The following CPS1 variants were observed in gnomAD, a reference collection of about 807,000 sequenced individuals.
CPS1 encodes carbamoyl-phosphate synthase [ammonia], mitochondrial.
In CPS1, 109 loss-of-function variants were observed where a neutral mutation model predicts 174.6. The ratio of observed to expected loss-of-function variants is 0.62; its 90% confidence interval spans 0.53 to 0.73. The LOEUF (loss-of-function observed/expected upper bound fraction) is 0.73. Among genes scored for constraint, CPS1 ranks in the 30% least tolerant of loss-of-function variants. The pLI, the probability that CPS1 is intolerant of heterozygous loss-of-function variation, is 0.00. For missense variants in CPS1, 1,689 were observed against 1,821.9 expected, an observed-to-expected ratio of 0.93 and a Z score of 1.33; for synonymous variants, 637 against 632.0, an observed-to-expected ratio of 1.01 and a Z score of -0.12.
chr2:210,534,079 G>A (rs778109856), intron 1 of CPS1, among the ~76,000 whole-genome samples: 1 of 152,208 alleles, frequency 6.6e-6, no homozygotes, highest in Non-Finnish European at 1.5e-5. Context: ...CATGTTGGAT[G>A]TTCCTGCCAC....
At chr2:210,536,246 G>C (rs1231126630) in intron 1 of CPS1, among the ~76,000 whole-genome samples, 1 of 150,832 alleles carries the variant, frequency 6.6e-6, no homozygotes, top group Non-Finnish European at 1.5e-5. Flanking sequence ...CAGTTCTCTA[G>C]TTACTAATAA....
At chr2:210,505,542 G>A (rs1020922977) in intron 1 of CPS1, among the ~76,000 whole-genome samples, 3 of 152,080 alleles carry the variant, frequency 2.0e-5, no homozygotes, top group Non-Finnish European at 4.4e-5. Flanking sequence ...GACAGTGGGT[G>A]CAGGACAGTG....
rs370795758 is a variant in CPS1, at chr2:210,653,999, G to A, written c.3481-26G>A. ...TATACATAGCGTTAGCTAAATGTTC[G>A]GCTCCTCTGTTTTCCTTCGTGACAG... On this transcript the variant is annotated intron_variant, in intron 28 of 37. Coordinates refer to ENST00000233072, the MANE Select transcript of CPS1 (RefSeq NM_001875.5). 393 of 1,592,870 alleles carry A rather than the reference G, an allele frequency of 2.5e-4. 2 individuals are homozygous for A. The South Asian group carries it at 3.2e-3, about 13-fold the overall frequency.
chr2:210,642,553 CGGT>C lies in CPS1; in HGVS notation c.3037_3039del (p.Val1013del), dbSNP rs727502824. 1 of 1,613,874 alleles carries C rather than the reference CGGT, an allele frequency of 6.2e-7. No homozygotes were observed. The highest frequency in any genetic ancestry group is 8.5e-7 in the Non-Finnish European group (1 of 1,179,920). ...ACACTGCGTCAACTTGGCAAGAAGA[CGGT>C]GGTGGTGAATTGCAATCCTGAGACT... On this transcript the variant is annotated inframe_deletion, in exon 25 of 38. Transcript: ENST00000233072.
intron 1 of CPS1, among the ~76,000 whole-genome samples, chr2:210,542,272 C>T (rs1696453069): frequency 6.6e-6 from 1 of 152,094 alleles, no homozygotes; most frequent in African/African-American, 2.4e-5. Flanking sequence ...TCTGATGTCA[C>T]TATAAATTCA....
intron 1 of CPS1, among the ~76,000 whole-genome samples, chr2:210,565,214 T>C (rs539108043): frequency 6.6e-6 from 1 of 152,102 alleles, no homozygotes; most frequent in Non-Finnish European, 1.5e-5. Flanking sequence ...TGCAGTCTTA[T>C]GAATCTTCCT....
At chr2:210,545,568 G>T (rs112459617) in intron 1 of CPS1, among the ~76,000 whole-genome samples, 51 of 151,850 alleles carry the variant, frequency 3.4e-4, no homozygotes, top group African/African-American at 1.2e-3. Context: ...GATGCCTTAT[G>T]TATTTATAGC....
In CPS1 at chr2:210,533,915, A is replaced by G. The variant is rs183183949; in HGVS notation, c.4-22804A>G. On this transcript the variant is annotated intron_variant, in intron 1 of 38. Coordinates refer to the CPS1 transcript ENST00000430249. Reference sequence around the variant, plus strand: ...TTATCTTTTGTTCCTCCATCTCTTCAAAGGAAAGCCACTGGGAAACAGGGC... The same window carrying G: ...TTATCTTTTGTTCCTCCATCTCTTCGAAGGAAAGCCACTGGGAAACAGGGC... Among the ~76,000 whole-genome samples the G allele has an allele frequency of 8.6e-3, 1,311 of 152,270 alleles. 21 individuals are homozygous for G. The highest frequency in any genetic ancestry group is 0.024 in the Middle Eastern group (7 of 294).
At position 210,606,857 on chromosome 2, in the gene CPS1, T is replaced by G. The variant is rs1485995691; in HGVS notation, c.2108T>G (p.Leu703Arg). The G allele has an allele frequency of 2.5e-6, 4 of 1,612,658 alleles. No homozygotes were observed. The highest frequency in any genetic ancestry group is 3.4e-6 in the Non-Finnish European group (4 of 1,179,124). Residue 703 changes from leucine (L) to arginine (R), a missense_variant, in exon 18 of 38, where the codon CTT becomes CGT. By Grantham distance (102) the Leu-to-Arg change is moderately radical. Transcript: ENST00000233072. ...IVGECNIQFA[L>R]HPTSMEYCII... is the part of the protein sequence containing the mutation. ...GGTGAATGCAACATTCAGTTTGCCCTTCATCCTACCTCAATGGAATACTGC... is the reference window on the plus strand; with the variant it reads ...GGTGAATGCAACATTCAGTTTGCCCGTCATCCTACCTCAATGGAATACTGC...
chr2:210,511,000 A>G (rs1695470542), intron 1 of CPS1, among the ~76,000 whole-genome samples: 1 of 152,172 alleles, frequency 6.6e-6, no homozygotes, highest in Non-Finnish European at 1.5e-5. Context: ...AGAACTAGAA[A>G]TATCGTTTGA....
intron 36 of CPS1, among the ~76,000 whole-genome samples, chr2:210,676,519 A>G (rs1185109887): frequency 2.6e-5 from 4 of 152,208 alleles, no homozygotes; most frequent in Non-Finnish European, 5.9e-5. Flanking sequence ...TGAGAAACCA[A>G]CACATAAATT....
In CPS1 at chr2:210,592,930, GTCA is replaced by G; in HGVS notation, c.1139_1141del (p.Val380_Thr381delinsAla). ...CTTCGCTGTGCAGTTCCACCCAGAG[GTCA>G]CCCCGGGGCCAATAGACACTGAGGT... is the stretch of plus-strand genomic sequence containing the variant. On this transcript the variant is annotated inframe_deletion, in exon 11 of 38. Transcript: ENST00000233072. The G allele has an allele frequency of 9.3e-6, 15 of 1,612,318 alleles. No individual in the cohort carries two copies. Among genetic ancestry groups the G allele is most frequent in the Non-Finnish European group, 1.2e-5 (14 of 1,178,962 alleles).
chr2:210,642,845 A>T (rs1320726010), intron 25 of CPS1, among the ~76,000 whole-genome samples, 180 bp downstream of exon 25: 1 of 152,174 alleles, frequency 6.6e-6, no homozygotes, highest in Non-Finnish European at 1.5e-5. Context: ...CTCCATTCTT[A>T]TATTTTTGAG....
intron 1 of CPS1, among the ~76,000 whole-genome samples, chr2:210,520,176 T>C (rs1199532389): frequency 1.3e-5 from 2 of 152,102 alleles, no homozygotes; most frequent in African/African-American, 4.8e-5. Flanking sequence ...TTTATTAATG[T>C]ATAATTGACA....
intron 1 of CPS1, among the ~76,000 whole-genome samples, chr2:210,510,817 A>T (rs1462711109): frequency 2.6e-5 from 4 of 152,248 alleles, no homozygotes; most frequent in East Asian, 1.9e-4. Flanking sequence ...AATGCAAATC[A>T]AAACCACAAT....
At chr2:210,579,670 T>TA (rs776700548) in intron 4 of CPS1, 44 bp from the exon 5 acceptor site, 1 of 1,480,138 alleles carries the variant, frequency 6.8e-7, no homozygotes, top group South Asian at 1.1e-5. Context: ...ATGCTGGATT[T>TA]AATCTCCTCC....
chr2:210,594,479 T>G, intron 11 of CPS1, 29 bp from the exon 12 acceptor site: 3 of 1,499,398 alleles, frequency 2.0e-6, no homozygotes, highest in Non-Finnish European at 2.8e-6. Context: ...TTTTGAAGCT[T>G]CTAACTAGTT....
chr2:210,572,035 A>C (rs557899472), intron 1 of CPS1, among the ~76,000 whole-genome samples: 61 of 151,936 alleles, frequency 4.0e-4, no homozygotes, highest in Non-Finnish European at 5.3e-4. Context: ...CGATGACTAC[A>C]CTTAAACCTT....
At chr2:210,631,312 T>G (rs1055781132) in intron 21 of CPS1, 5 of 152,170 alleles carry the variant, frequency 3.3e-5, no homozygotes, top group Non-Finnish European at 7.3e-5. Flanking sequence ...TTAAGGGGAA[T>G]TTATTCCATT....
Sources: gnomAD v4.1 joint callset for allele counts (sites outside exome capture counted in the v4.1 genomes callset) on GRCh38, gnomAD v4.1.1 for gene constraint, MANE v1.5 for transcripts, NCBI Gene and HGNC (gene_info 2026-07-23, HGNC 2026-07-21) for gene names.